The following CDH12 variants were observed in gnomAD, a reference collection of about 807,000 sequenced individuals.
The protein encoded by CDH12 is cadherin-12.
Under a neutral mutation model 74.1 loss-of-function variants are expected in CDH12, and 41 were observed. That is an observed-to-expected ratio of 0.55 (90% CI 0.43 to 0.72). The LOEUF (loss-of-function observed/expected upper bound fraction) is 0.72, where lower values mean the gene tolerates loss of function less well. Among genes scored for constraint, CDH12 ranks in the 30% least tolerant of loss-of-function variants. The pLI is 0.00. For missense variants in CDH12, 945 were observed against 977.2 expected (o/e 0.97, Z 0.44); for synonymous variants, 399 against 355.0 (o/e 1.12, Z -1.39).
intron 2 of CDH12, among the ~76,000 whole-genome samples, chr5:22,411,145 A>G (rs945594749): frequency 2.6e-5 from 4 of 152,000 alleles, no homozygotes; most frequent in Non-Finnish European, 5.9e-5. Flanking sequence ...AATAAAATAG[A>G]AAAGGAAAAA....
intron 2 of CDH12, among the ~76,000 whole-genome samples, chr5:22,438,444 T>C (rs956196944): frequency 6.6e-6 from 1 of 152,100 alleles, no homozygotes; most frequent in African/African-American, 2.4e-5. Context: ...TTCAGTATTA[T>C]AGAACCAGTG....
intron 1 of CDH12, among the ~76,000 whole-genome samples, chr5:22,530,865 T>C (rs1197439611): frequency 6.6e-6 from 1 of 152,128 alleles, no homozygotes; most frequent in Non-Finnish European, 1.5e-5. Flanking sequence ...CAATCTAACC[T>C]AGATTTTTTC....
intron 1 of CDH12, among the ~76,000 whole-genome samples, chr5:22,687,375 A>G (rs1741863988): frequency 6.6e-6 from 1 of 152,130 alleles, no homozygotes; most frequent in African/African-American, 2.4e-5. Context: ...TTATGTTGAG[A>G]CAAATATAGC....
chr5:21,891,839 G>C (rs1302439569), intron 6 of CDH12, among the ~76,000 whole-genome samples: 4 of 151,956 alleles, frequency 2.6e-5, no homozygotes, highest in South Asian at 4.2e-4. Context: ...TTTGTGGCTA[G>C]ATCAAATCAA....
intron 2 of CDH12, among the ~76,000 whole-genome samples, chr5:22,486,964 C>T (rs867392696): frequency 3.9e-5 from 6 of 152,126 alleles, no homozygotes; most frequent in East Asian, 1.9e-4. Context: ...GGTCAGAGAG[C>T]GCCATGTCTG....
intron 3 of CDH12, among the ~76,000 whole-genome samples, chr5:22,395,671 C>A (rs1742424498): frequency 6.6e-6 from 1 of 151,910 alleles, no homozygotes; most frequent in Non-Finnish European, 1.5e-5. Flanking sequence ...GTCATGTAGG[C>A]AGTTTGATAT....
intron 5 of CDH12, among the ~76,000 whole-genome samples, chr5:22,050,183 T>A (rs1417190365): frequency 6.6e-6 from 1 of 152,120 alleles, no homozygotes; most frequent in Non-Finnish European, 1.5e-5. Context: ...TCTCTACTTT[T>A]TTTTCTTTCC....
intron 6 of CDH12, among the ~76,000 whole-genome samples, chr5:21,935,471 G>C (rs1218552157): frequency 6.6e-6 from 1 of 151,758 alleles, no homozygotes; most frequent in Non-Finnish European, 1.5e-5. Context: ...TTTATTTTTT[G>C]TGGGTAGGTA....
intron 3 of CDH12, among the ~76,000 whole-genome samples, chr5:22,219,772 G>A (rs531910394): frequency 2.6e-5 from 4 of 151,732 alleles, no homozygotes; most frequent in Non-Finnish European, 4.4e-5. Flanking sequence ...CCTTGGGCTC[G>A]TTGCTTCACA....
At chr5:21,909,732 T>C (rs865909497) in intron 6 of CDH12, among the ~76,000 whole-genome samples, 15 of 152,290 alleles carry the variant, frequency 9.8e-5, no homozygotes, top group Middle Eastern at 3.4e-3. Context: ...TTCGCCTCCT[T>C]AGAGAGACAT....
intron 4 of CDH12, among the ~76,000 whole-genome samples, chr5:22,118,104 A>G (rs573531261): frequency 6.6e-6 from 1 of 152,262 alleles, no homozygotes; most frequent in East Asian, 1.9e-4. Context: ...ATATAAGTCA[A>G]GTATATCCAA....
At chr5:22,198,879 T>A (rs1017878058) in intron 4 of CDH12, among the ~76,000 whole-genome samples, 3 of 150,300 alleles carry the variant, frequency 2.0e-5, no homozygotes, top group African/African-American at 7.3e-5. Flanking sequence ...CATTTTTTAT[T>A]TTTATTTATT....
intron 4 of CDH12, among the ~76,000 whole-genome samples, chr5:22,129,775 A>G (rs1461165648): frequency 1.3e-5 from 2 of 152,028 alleles, no homozygotes; most frequent in African/African-American, 4.8e-5. Context: ...ATTTAGTGGT[A>G]TTATTACTTA....
intron 1 of CDH12, among the ~76,000 whole-genome samples, chr5:22,600,758 A>T (rs965230362): frequency 6.6e-6 from 1 of 151,988 alleles, no homozygotes; most frequent in Non-Finnish European, 1.5e-5. Flanking sequence ...ACGTAATTTT[A>T]CATATATAAT....
At chr5:22,661,337 C>G (rs1740337268) in intron 1 of CDH12, among the ~76,000 whole-genome samples, 1 of 152,036 alleles carries the variant, frequency 6.6e-6, no homozygotes, top group Non-Finnish European at 1.5e-5. Flanking sequence ...AGTGCCTAGC[C>G]CTTTTGAAAA....
At chr5:22,160,927 A>G (rs1748306467) in intron 4 of CDH12, among the ~76,000 whole-genome samples, 2 of 152,206 alleles carry the variant, frequency 1.3e-5, no homozygotes, top group Non-Finnish European at 2.9e-5. Flanking sequence ...TATCAGAAGC[A>G]GAAGATGATT....
At chr5:22,754,804 G>A (rs1745803063) in intron 1 of CDH12, among the ~76,000 whole-genome samples, 2 of 152,116 alleles carry the variant, frequency 1.3e-5, no homozygotes, top group Admixed American at 1.3e-4. Context: ...GAAGGAAAAA[G>A]GCTAAAATCA....
chr5:22,683,790 A>G (rs1741620812), intron 1 of CDH12, among the ~76,000 whole-genome samples: 1 of 152,222 alleles, frequency 6.6e-6, no homozygotes, highest in South Asian at 2.1e-4. Context: ...CTACAAGCAC[A>G]CAGAGTTCCA....
At chr5:22,653,622 C>A (rs1037617107) in intron 1 of CDH12, among the ~76,000 whole-genome samples, 2 of 152,150 alleles carry the variant, frequency 1.3e-5, no homozygotes, top group African/African-American at 4.8e-5. Context: ...CCCTGGGGTA[C>A]AGCAATAGTC....
Sources: gnomAD v4.1 joint callset for allele counts (sites outside exome capture counted in the v4.1 genomes callset) on GRCh38, gnomAD v4.1.1 for gene constraint, MANE v1.5 for transcripts, NCBI Gene and HGNC (gene_info 2026-07-23, HGNC 2026-07-21) for gene names.